RAB3B: variants seen among roughly 807,000 people sequenced by gnomAD.
RAB3B encodes the protein ras-related protein Rab-3B.
Under a neutral mutation model 20.5 loss-of-function variants are expected in RAB3B, and 11 were observed. The observed-to-expected ratio is 0.54, with a 90% CI of 0.34 to 0.89. RAB3B has a LOEUF of 0.89. Ranked by LOEUF, RAB3B falls within the 40% of genes least tolerant of loss-of-function variation. RAB3B has a pLI of 0.02. For synonymous variants in RAB3B, 99 were observed against 106.3 expected (o/e 0.93, Z 0.42); for missense variants, 225 against 280.9 (o/e 0.80, Z 1.42).
intron 2 of RAB3B, among the ~76,000 whole-genome samples, chr1:51,942,777 G>A (rs1684511443): frequency 6.6e-6 from 1 of 152,106 alleles, no homozygotes; most frequent in East Asian, 1.9e-4. Context: ...CCTATCTCAA[G>A]CAGGTCTATC....
At chr1:51,964,684 C>G (rs138939838) in intron 2 of RAB3B, among the ~76,000 whole-genome samples, 1 of 152,284 alleles carries the variant, frequency 6.6e-6, no homozygotes, top group African/African-American at 2.4e-5. Flanking sequence ...AGCCCAAACC[C>G]TCAGCAACAT....
At chr1:51,955,070 G>A (rs1684690063) in intron 2 of RAB3B, among the ~76,000 whole-genome samples, 1 of 152,234 alleles carries the variant, frequency 6.6e-6, no homozygotes, top group South Asian at 2.1e-4. Flanking sequence ...GGTCACTGCT[G>A]CTTCTGCCAA....
At chr1:51,947,493 C>T (rs1412168877) in intron 2 of RAB3B, among the ~76,000 whole-genome samples, 3 of 152,142 alleles carry the variant, frequency 2.0e-5, no homozygotes, top group African/African-American at 7.2e-5. Context: ...TTCTCTTTAG[C>T]CCCCAAGATC....
intron 4 of RAB3B, among the ~76,000 whole-genome samples, chr1:51,932,375 A>G (rs1684338156): frequency 6.6e-6 from 1 of 152,206 alleles, no homozygotes; most frequent in Non-Finnish European, 1.5e-5. Flanking sequence ...ACCTACAGGC[A>G]TGGAACTCTT....
intron 2 of RAB3B, among the ~76,000 whole-genome samples, chr1:51,953,080 A>G (rs1481802805): frequency 6.6e-6 from 1 of 152,222 alleles, no homozygotes; most frequent in Non-Finnish European, 1.5e-5. Flanking sequence ...TGAGTACCCC[A>G]CACGCATCTG....
Position 51,929,113 on chromosome 1 carries a change from T to TCACC in RAB3B, c.472+4204_472+4205insGGTG, listed in dbSNP as rs912552849. Among the ~76,000 whole-genome samples, 123 of 152,300 alleles carry TCACC rather than the reference T, an allele frequency of 8.1e-4. 1 individual carries two copies. The highest frequency in any genetic ancestry group is 2.8e-3 in the African/African-American group (118 of 41,550). On this transcript the variant is annotated intron_variant, in intron 4 of 4. Transcript: ENST00000371655. ...ATGACTCACAGGTGACCAATCATAG[T>TCACC]ATTCTCTGGGATTGATTCATAGTGG...
At chr1:51,925,468 G>C (rs1684231722) in intron 4 of RAB3B, among the ~76,000 whole-genome samples, 2 of 152,194 alleles carry the variant, frequency 1.3e-5, no homozygotes, top group Admixed American at 6.5e-5. Context: ...AAAGAGGTCT[G>C]ATCAATTCAA....
intron 4 of RAB3B, among the ~76,000 whole-genome samples, chr1:51,926,984 A>G (rs1238451121): frequency 6.6e-6 from 1 of 152,240 alleles, no homozygotes; most frequent in East Asian, 1.9e-4. Context: ...ATAGCTGATG[A>G]TAATGCAGCC....
chr1:51,945,797 T>C (rs1684556450), intron 2 of RAB3B, among the ~76,000 whole-genome samples: 1 of 152,078 alleles, frequency 6.6e-6, no homozygotes, highest in Non-Finnish European at 1.5e-5. Flanking sequence ...CCTTAAAGAG[T>C]AGCAACATGA....
At chr1:51,976,631 C>A (rs1229889675) in intron 2 of RAB3B, among the ~76,000 whole-genome samples, 1 of 152,174 alleles carries the variant, frequency 6.6e-6, no homozygotes, top group Non-Finnish European at 1.5e-5. Context: ...TAACTCCAAG[C>A]CCCAGTTTCT....
Position 51,924,203 on chromosome 1 carries a change from T to C in RAB3B, c.473-4089A>G, listed in dbSNP as rs186958528. On this transcript the variant is annotated intron_variant, in intron 4 of 4. Transcript: ENST00000371655. Reference sequence around the variant, plus strand: ...AGCTCAATGAGCACGGTGCTGGGCATTGGGGACAGCAAGGTGAATCAGACA... The same window carrying C: ...AGCTCAATGAGCACGGTGCTGGGCACTGGGGACAGCAAGGTGAATCAGACA... Among the ~76,000 whole-genome samples the C allele has an allele frequency of 3.7e-4, 56 of 152,282 alleles. No homozygotes were observed. The South Asian group carries it at 6.2e-3, about 17-fold the overall frequency.
rs546275872 is a variant in RAB3B, at chr1:51,918,224, C to A, written c.*1703G>T. 1 of 152,142 alleles carries A rather than the reference C, an allele frequency of 6.6e-6. No homozygotes were observed. Among genetic ancestry groups the A allele is most frequent in the Non-Finnish European group, 1.5e-5 (1 of 68,030 alleles). The allele number at this position is 152,142 out of a possible 1,614,324, so 9.4% of individuals were successfully genotyped here. ...ACTCCCAGGAGAAAGGGGTTGGGAT[C>A]GGGATCTCTGAGTTCAATTTTCTCA... On this transcript the variant is annotated 3_prime_UTR_variant, in exon 5 of 5. Transcript: ENST00000371655.
intron 2 of RAB3B, among the ~76,000 whole-genome samples, chr1:51,961,909 T>C (rs920899321): frequency 2.0e-5 from 3 of 152,196 alleles, no homozygotes; most frequent in African/African-American, 7.2e-5. Context: ...TGGCTGGGAC[T>C]ACAGGTGTCA....
At chr1:51,963,362 C>T (rs1354230483) in intron 2 of RAB3B, among the ~76,000 whole-genome samples, 1 of 152,172 alleles carries the variant, frequency 6.6e-6, no homozygotes. Context: ...ATCATGACAA[C>T]AGCCTCCCTT....
At chr1:51,924,237 A>C (rs1557962097) in intron 4 of RAB3B, among the ~76,000 whole-genome samples, 2 of 152,094 alleles carry the variant, frequency 1.3e-5, no homozygotes, top group Non-Finnish European at 2.9e-5. Flanking sequence ...CACAGCCCTT[A>C]CCTTTGAGGA....
At chr1:51,931,628 C>T (rs538593568) in intron 4 of RAB3B, among the ~76,000 whole-genome samples, 2 of 152,310 alleles carry the variant, frequency 1.3e-5, no homozygotes, top group South Asian at 2.1e-4. Flanking sequence ...GATTCATTTC[C>T]TGTCTGCAGG....
Position 51,909,684 on chromosome 1 carries a change from T to C in RAB3B, c.*10243A>G, listed in dbSNP as rs1436094287. 6.6e-6 allele frequency: 1 copy of C among 152,288 alleles called. No individual in the cohort carries two copies. Among genetic ancestry groups the C allele is most frequent in the Non-Finnish European group, 1.5e-5 (1 of 68,126 alleles). The allele number at this position is 152,288 out of a possible 1,614,324, so 9.4% of individuals were successfully genotyped here. A position where few individuals can be genotyped will look rare whatever the true frequency, so the allele number is the denominator to read the frequency against. ...CAAGGTCATGCTACAGAGCTGCTCA[T>C]GGCATTTTCCTGGACTCTCCTCCCT... On this transcript the variant is annotated 3_prime_UTR_variant, in exon 5 of 5. Transcript: ENST00000371655.
intron 2 of RAB3B, among the ~76,000 whole-genome samples, chr1:51,955,783 T>C (rs2124282245): frequency 6.6e-6 from 1 of 152,240 alleles, no homozygotes; most frequent in South Asian, 2.1e-4. Context: ...GTTCAGAGAC[T>C]TAACTAGATA....
At chr1:51,985,169 G>A (rs1685136120) in intron 1 of RAB3B, among the ~76,000 whole-genome samples, 1 of 152,172 alleles carries the variant, frequency 6.6e-6, no homozygotes, top group South Asian at 2.1e-4. Context: ...GGCCCATGGA[G>A]GTACTGAATA....
Sources: allele counts gnomAD v4.1 joint callset (sites outside exome capture counted in the v4.1 genomes callset), GRCh38; gene constraint gnomAD v4.1.1; transcripts MANE v1.5; gene names NCBI Gene and HGNC (gene_info 2026-07-23, HGNC 2026-07-21).